FBXL7: variants seen among roughly 807,000 people sequenced by gnomAD.
FBXL7 encodes F-box and leucine rich repeat protein 7.
In FBXL7, 12 loss-of-function variants were observed where a neutral mutation model predicts 38.3. The observed-to-expected ratio is 0.31, with a 90% CI of 0.20 to 0.51. The LOEUF (loss-of-function observed/expected upper bound fraction) is 0.51, where lower values mean the gene tolerates loss of function less well. FBXL7 is among the 20% of genes least tolerant of loss of function. The probability of loss-of-function intolerance (pLI) is 0.98; values close to 1 mark genes in which losing one functional copy is unlikely to be tolerated. For missense variants in FBXL7, 567 were observed against 676.4 expected, an observed-to-expected ratio of 0.84 and a Z score of 1.79; for synonymous variants, 297 against 300.9, an observed-to-expected ratio of 0.99 and a Z score of 0.13.
At chr5:15,669,774 G>A (rs1742405938) in intron 2 of FBXL7, among the ~76,000 whole-genome samples, 2 of 152,086 alleles carry the variant, frequency 1.3e-5, no homozygotes, top group East Asian at 3.9e-4. Context: ...ATGTTAATGT[G>A]GATTAATACA....
At chr5:15,516,710 G>A (rs978602984) in intron 1 of FBXL7, among the ~76,000 whole-genome samples, 4 of 152,080 alleles carry the variant, frequency 2.6e-5, no homozygotes, top group African/African-American at 4.8e-5. Context: ...TAATTGAATC[G>A]TGTGGGTGGT....
intron 1 of FBXL7, among the ~76,000 whole-genome samples, chr5:15,505,670 C>T (rs1193307224): frequency 6.6e-6 from 1 of 152,046 alleles, no homozygotes; most frequent in East Asian, 1.9e-4. Context: ...GGAATATGGG[C>T]GTAGGGTATT....
intron 1 of FBXL7, among the ~76,000 whole-genome samples, chr5:15,609,690 A>T (rs925626404): frequency 1.3e-5 from 2 of 152,110 alleles, no homozygotes; most frequent in Admixed American, 6.6e-5. Flanking sequence ...GTCACCATGA[A>T]ACCCAGGTGA....
intron 1 of FBXL7, among the ~76,000 whole-genome samples, chr5:15,530,073 TG>T (rs976008578): frequency 4.6e-5 from 7 of 152,236 alleles, no homozygotes; most frequent in African/African-American, 1.7e-4. Context: ...ATACCCTTGA[TG>T]ATGAAATCTA....
At chr5:15,677,426 C>T (rs1391656592) in intron 2 of FBXL7, among the ~76,000 whole-genome samples, 1 of 151,552 alleles carries the variant, frequency 6.6e-6, no homozygotes, top group Admixed American at 6.6e-5. Context: ...AAGATCGCAC[C>T]ATTGCACTCC....
At chr5:15,869,005 G>A (rs1266812843) in intron 2 of FBXL7, among the ~76,000 whole-genome samples, 1 of 152,166 alleles carries the variant, frequency 6.6e-6, no homozygotes, top group East Asian at 1.9e-4. Context: ...TCCAGGCACA[G>A]GTTAGCTAGG....
At chr5:15,616,191 A>C in intron 2 of FBXL7, 119 bp downstream of exon 2, 1 of 584,084 alleles carries the variant, frequency 1.7e-6, no homozygotes. Flanking sequence ...ATGAGATCTT[A>C]AAAATGAGGA....
intron 2 of FBXL7, among the ~76,000 whole-genome samples, chr5:15,783,483 C>A (rs1737052841): frequency 6.6e-6 from 1 of 152,060 alleles, no homozygotes; most frequent in African/African-American, 2.4e-5. Flanking sequence ...ATGAGATAAC[C>A]AACATGACAG....
At chr5:15,752,284 T>TA (rs958722882) in intron 2 of FBXL7, among the ~76,000 whole-genome samples, 1 of 150,852 alleles carries the variant, frequency 6.6e-6, no homozygotes, top group African/African-American at 2.4e-5. Context: ...AAAAATAAAA[T>TA]AAAATTGCAG....
chr5:15,667,833 G>A (rs887718150), intron 2 of FBXL7, among the ~76,000 whole-genome samples: 2 of 152,074 alleles, frequency 1.3e-5, no homozygotes, highest in East Asian at 1.9e-4. Context: ...AGAAACTTTC[G>A]TTTGGGCCTT....
intron 2 of FBXL7, among the ~76,000 whole-genome samples, chr5:15,739,760 A>C (rs1561107189): frequency 6.6e-6 from 1 of 152,158 alleles, no homozygotes; most frequent in Non-Finnish European, 1.5e-5. Context: ...ACAATGTATT[A>C]TTTACCCATT....
intron 2 of FBXL7, among the ~76,000 whole-genome samples, chr5:15,664,425 A>G (rs747948829): frequency 7.0e-6 from 1 of 143,056 alleles, no homozygotes; most frequent in Non-Finnish European, 1.5e-5. Context: ...TCTGGAGTTT[A>G]CCGTTACCTT....
chr5:15,515,686 T>A (rs1373828839), intron 1 of FBXL7, among the ~76,000 whole-genome samples: 2 of 152,182 alleles, frequency 1.3e-5, no homozygotes, highest in East Asian at 1.9e-4. Context: ...TTACTGGTTA[T>A]TAAGAGTATT....
At chr5:15,903,395 T>C (rs1196391103) in intron 2 of FBXL7, among the ~76,000 whole-genome samples, 1 of 152,182 alleles carries the variant, frequency 6.6e-6, no homozygotes, top group African/African-American at 2.4e-5. Context: ...TGCATTGACA[T>C]GGTTTTGTTG....
chr5:15,802,878 C>G (rs1737608196), intron 2 of FBXL7, among the ~76,000 whole-genome samples: 1 of 152,166 alleles, frequency 6.6e-6, no homozygotes, highest in Non-Finnish European at 1.5e-5. Context: ...GTTTCAAACT[C>G]CCAACCTCAG....
chr5:15,885,364 C>T lies in FBXL7; in HGVS notation c.128-42526C>T, dbSNP rs574849075. ...GAAGTAGTCATCTTTCATAATCTAA[C>T]CTTGGAAGTGACATCTTACCACTTT... is the stretch of plus-strand genomic sequence containing the variant. On this transcript the variant is annotated intron_variant, in intron 2 of 3. Coordinates refer to ENST00000504595, the MANE Select transcript of FBXL7 (RefSeq NM_012304.5). Among the ~76,000 whole-genome samples, 3 of 152,278 alleles carry T rather than the reference C, an allele frequency of 2.0e-5. No individual in the cohort carries two copies. The South Asian group carries it at 6.2e-4, about 32-fold the overall frequency.
At chr5:15,521,722 T>C (rs1197134591) in intron 1 of FBXL7, among the ~76,000 whole-genome samples, 2 of 152,214 alleles carry the variant, frequency 1.3e-5, no homozygotes, top group African/African-American at 4.8e-5. Context: ...GTAAGTGCAG[T>C]GCTCTCGTGG....
chr5:15,699,957 A>C (rs1182302915), intron 2 of FBXL7, among the ~76,000 whole-genome samples: 1 of 152,198 alleles, frequency 6.6e-6, no homozygotes, highest in Non-Finnish European at 1.5e-5. Flanking sequence ...CTTTGACCAT[A>C]TGTTCATCTA....
At chr5:15,622,763 T>G (rs1034244204) in intron 2 of FBXL7, among the ~76,000 whole-genome samples, 1 of 152,174 alleles carries the variant, frequency 6.6e-6, no homozygotes, top group Non-Finnish European at 1.5e-5. Flanking sequence ...GAGGTGCAGT[T>G]GCATGATCTC....
Sources: gnomAD v4.1 joint callset for allele counts (sites outside exome capture counted in the v4.1 genomes callset) on GRCh38, gnomAD v4.1.1 for gene constraint, MANE v1.5 for transcripts, NCBI Gene and HGNC (gene_info 2026-07-23, HGNC 2026-07-21) for gene names.